The following AGMO variants were observed in gnomAD, a reference collection of about 807,000 sequenced individuals.
AGMO encodes alkylglycerol monooxygenase.
A neutral mutation model predicts 60.2 loss-of-function variants in AGMO; 75 were observed. That is an observed-to-expected ratio of 1.25 (90% CI 1.03 to 1.51). The LOEUF is 1.51. Among genes scored for constraint, AGMO ranks in the 40% most tolerant of loss-of-function variants. The probability of loss-of-function intolerance (pLI) is 0.00; values close to 1 mark genes in which losing one functional copy is unlikely to be tolerated. For synonymous variants in AGMO, 261 were observed against 177.1 expected, an observed-to-expected ratio of 1.47 and a Z score of -3.76; for missense variants, 763 against 525.5, an observed-to-expected ratio of 1.45 and a Z score of -4.42.
chr7:15,413,499 T>C (rs1341859767), intron 5 of AGMO, among the ~76,000 whole-genome samples: 1 of 152,152 alleles, frequency 6.6e-6, no homozygotes, highest in Non-Finnish European at 1.5e-5. Flanking sequence ...TAATGTTTTT[T>C]AAATACCACA....
the AGMO span, among the ~76,000 whole-genome samples, chr7:15,127,477 T>G: frequency 1.3e-5 from 2 of 152,052 alleles, no homozygotes; most frequent in African/African-American, 4.8e-5. Flanking sequence ...TCCAAGATCT[T>G]TTGACATTGA....
chr7:15,406,363 T>A (rs1784690340), intron 5 of AGMO, among the ~76,000 whole-genome samples: 1 of 139,946 alleles, frequency 7.1e-6, no homozygotes, highest in East Asian at 2.0e-4. Context: ...TATATGTATA[T>A]ACACACATAC....
intron 3 of AGMO, among the ~76,000 whole-genome samples, chr7:15,529,423 G>A (rs1270815882): frequency 6.8e-6 from 1 of 146,826 alleles, no homozygotes; most frequent in African/African-American, 2.5e-5. Flanking sequence ...AAAGTAACTG[G>A]GTAGTTTAAA....
intron 12 of AGMO, among the ~76,000 whole-genome samples, chr7:15,250,724 G>C (rs1360169421): frequency 2.0e-5 from 3 of 152,116 alleles, no homozygotes; most frequent in African/African-American, 7.2e-5. Flanking sequence ...TGGATCACCT[G>C]AGGTCAGGAG....
At chr7:15,267,992 C>T (rs1322423052) in intron 12 of AGMO, among the ~76,000 whole-genome samples, 1 of 151,750 alleles carries the variant, frequency 6.6e-6, no homozygotes, top group Non-Finnish European at 1.5e-5. Flanking sequence ...AAAACTGTTA[C>T]CAAACATTTA....
the AGMO span, among the ~76,000 whole-genome samples, chr7:15,120,301 G>A: frequency 3.9e-5 from 6 of 152,166 alleles, no homozygotes; most frequent in Admixed American, 3.9e-4. Context: ...TCCAATGGTT[G>A]ATCCTAAGAT....
chr7:15,548,275 G>A (rs1784845612), intron 2 of AGMO, among the ~76,000 whole-genome samples: 1 of 152,090 alleles, frequency 6.6e-6, no homozygotes, highest in Non-Finnish European at 1.5e-5. Context: ...TCCTCCAAAG[G>A]AACGCAGTTC....
intron 11 of AGMO, 39 bp downstream of exon 11, chr7:15,366,101 G>C: frequency 1.3e-6 from 2 of 1,489,398 alleles, no homozygotes; most frequent in Non-Finnish European, 1.8e-6. Flanking sequence ...TTCTTGAATT[G>C]AGTAAAAGTA....
Position 15,413,286 on chromosome 7 carries a change from C to G in AGMO, c.609+5272G>C, listed in dbSNP as rs117886999. On this transcript the variant is annotated intron_variant, in intron 5 of 12. Transcript: ENST00000342526. ...AAGACAAATTAATATGTTATTCAAT[C>G]TGGATACAAGAGAAAGTAAAATCTT... 3.3e-4 allele frequency among the ~76,000 whole-genome samples: 50 copies of G among 152,168 alleles called. 1 individual carries two copies. Among genetic ancestry groups the G allele is most frequent in the Non-Finnish European group, 6.3e-4 (43 of 67,970 alleles).
chr7:15,316,715 T>G (rs1330166911), intron 12 of AGMO, among the ~76,000 whole-genome samples: 1 of 152,226 alleles, frequency 6.6e-6, no homozygotes, highest in African/African-American at 2.4e-5. Context: ...CTAATGTATT[T>G]AGTAACGTTT....
rs149558996 is a variant in AGMO, at chr7:15,204,147, A to G, written c.1264-2788T>C. Among the ~76,000 whole-genome samples, 423 of 152,218 alleles carry G rather than the reference A, an allele frequency of 2.8e-3. 2 individuals are homozygous for G. The highest frequency in any genetic ancestry group is 9.7e-3 in the African/African-American group (403 of 41,548). ...GAGTTAATTTTACACTTTAGAATATATGTGTTTATATATAAATATTACATA... is the reference window on the plus strand; with the variant it reads ...GAGTTAATTTTACACTTTAGAATATGTGTGTTTATATATAAATATTACATA... On this transcript the variant is annotated intron_variant, in intron 12 of 12. Coordinates refer to ENST00000342526, the MANE Select transcript of AGMO (RefSeq NM_001004320.2).
intron 12 of AGMO, among the ~76,000 whole-genome samples, chr7:15,229,731 ATATAT>A (rs1440060969): frequency 1.4e-5 from 2 of 145,186 alleles, no homozygotes; most frequent in Admixed American, 7.0e-5. Context: ...TATATAAATT[ATATAT>A]TATAATATAT....
At chr7:15,306,971 G>A (rs111793113) in intron 12 of AGMO, among the ~76,000 whole-genome samples, 124 of 150,404 alleles carry the variant, frequency 8.2e-4, no homozygotes, top group African/African-American at 2.9e-3. Flanking sequence ...ACTGAATTTT[G>A]GTGAATTTTA....
chr7:15,266,114 T>C (rs1158010651), intron 12 of AGMO, among the ~76,000 whole-genome samples: 1 of 152,064 alleles, frequency 6.6e-6, no homozygotes, highest in East Asian at 1.9e-4. Flanking sequence ...GAATGGTGGT[T>C]GACAGGGGAT....
At chr7:15,439,255 G>C (rs201470735) in intron 3 of AGMO, among the ~76,000 whole-genome samples, 1 of 152,044 alleles carries the variant, frequency 6.6e-6, no homozygotes, top group African/African-American at 2.4e-5. Context: ...AAATTAGCAG[G>C]GCGTGGTGGT....
At chr7:15,464,524 T>G (rs999897743) in intron 3 of AGMO, among the ~76,000 whole-genome samples, 2 of 152,158 alleles carry the variant, frequency 1.3e-5, no homozygotes, top group African/African-American at 4.8e-5. Flanking sequence ...GTTTCTCTAT[T>G]ATTACACTTC....
At chr7:15,185,688 TTTGAAGA>T in the AGMO span, among the ~76,000 whole-genome samples, 1 of 152,166 alleles carries the variant, frequency 6.6e-6, no homozygotes, top group East Asian at 1.9e-4. Context: ...GAACTTTTCA[TTTGAAGA>T]TTGGAGTCCA....
chr7:15,549,974 C>T (rs1050271215), intron 2 of AGMO, among the ~76,000 whole-genome samples: 4,755 of 150,688 alleles, frequency 0.032, 264 homozygotes, highest in African/African-American at 0.11. Flanking sequence ...ATCTCTCAGA[C>T]CACAGTGCAA....
chr7:15,143,902 G>A, the AGMO span, among the ~76,000 whole-genome samples: 1 of 152,118 alleles, frequency 6.6e-6, no homozygotes, highest in Non-Finnish European at 1.5e-5. Flanking sequence ...TCAGGAATTA[G>A]AAAGCCAGCG....
Sources: gnomAD v4.1 joint callset for allele counts (sites outside exome capture counted in the v4.1 genomes callset) on GRCh38, gnomAD v4.1.1 for gene constraint, MANE v1.5 for transcripts, NCBI Gene and HGNC (gene_info 2026-07-23, HGNC 2026-07-21) for gene names.